The following TF variants were observed in gnomAD, a reference collection of about 807,000 sequenced individuals.
TF encodes the protein serotransferrin.
Under a neutral mutation model 82.4 loss-of-function variants are expected in TF, and 55 were observed. The ratio of observed to expected loss-of-function variants is 0.67; its 90% CI spans 0.54 to 0.84. The LOEUF (loss-of-function observed/expected upper bound fraction) is 0.84. Ranked by LOEUF, TF falls within the 40% of genes least tolerant of loss-of-function variation. The pLI is 0.00. For synonymous variants in TF, 332 were observed against 332.6 expected, an observed-to-expected ratio of 1.00 and a Z score of 0.02; for missense variants, 737 against 868.4, an observed-to-expected ratio of 0.85 and a Z score of 1.90.
the TF span, among the ~76,000 whole-genome samples, chr3:133,689,135 G>C: frequency 2.0e-5 from 3 of 152,038 alleles, no homozygotes; most frequent in Non-Finnish European, 2.9e-5. Flanking sequence ...AGACCAGCCT[G>C]TCCAACATGG....
At chr3:133,673,829 T>G in the TF span, among the ~76,000 whole-genome samples, 1 of 152,244 alleles carries the variant, frequency 6.6e-6, no homozygotes, top group African/African-American at 2.4e-5. Context: ...GCATATTTAT[T>G]ATACTTTAAT....
At chr3:133,733,728 G>A in the TF span, among the ~76,000 whole-genome samples, 261 of 152,248 alleles carry the variant, frequency 1.7e-3, 1 homozygote, top group African/African-American at 5.9e-3. Context: ...TCTCTGCTCC[G>A]TTATTCCTCC....
intron 2 of TF, among the ~76,000 whole-genome samples, chr3:133,751,162 T>C (rs1276068040): frequency 2.0e-5 from 3 of 151,784 alleles, no homozygotes; most frequent in African/African-American, 7.3e-5. Flanking sequence ...TATGCTACAC[T>C]GAGATGAACC....
chr3:133,734,044 T>C, the TF span, among the ~76,000 whole-genome samples: 2 of 152,132 alleles, frequency 1.3e-5, no homozygotes, highest in East Asian at 3.9e-4. Flanking sequence ...CTGCGGTTTC[T>C]CATGGCCAGA....
the TF span, among the ~76,000 whole-genome samples, chr3:133,684,077 C>T: frequency 1.3e-5 from 2 of 152,194 alleles, no homozygotes; most frequent in Admixed American, 1.3e-4. Context: ...TACATGGAAA[C>T]AGAACAACCT....
the TF span, among the ~76,000 whole-genome samples, chr3:133,718,723 A>T: frequency 0.59 from 89,512 of 151,382 alleles, 26,930 homozygotes; most frequent in East Asian, 0.76. Flanking sequence ...CTGATGTTGG[A>T]GGTTCCTCAC....
the TF span, among the ~76,000 whole-genome samples, chr3:133,723,539 C>A: frequency 1.4e-5 from 2 of 145,984 alleles, no homozygotes; most frequent in Middle Eastern, 3.3e-3. Flanking sequence ...TTCAGAACTT[C>A]TTTCTTTTGC....
At chr3:133,691,339 A>G in the TF span, among the ~76,000 whole-genome samples, 1 of 152,198 alleles carries the variant, frequency 6.6e-6, no homozygotes, top group Non-Finnish European at 1.5e-5. Context: ...TACGTACCCA[A>G]GAAATGTTTA....
At chr3:133,670,060 G>A in the TF span, among the ~76,000 whole-genome samples, 1 of 152,328 alleles carries the variant, frequency 6.6e-6, no homozygotes, top group Non-Finnish European at 1.5e-5. Context: ...TTGGAAAGGG[G>A]AAAGTGTGAA....
At chr3:133,730,689 G>A in the TF span, among the ~76,000 whole-genome samples, 23 of 152,320 alleles carry the variant, frequency 1.5e-4, no homozygotes, top group Admixed American at 1.0e-3. Flanking sequence ...GGATACTAAT[G>A]GATCCCTTTG....
At chr3:133,760,782 C>T (rs8177248) in intron 9 of TF, 44,668 of 162,034 alleles carry the variant, frequency 0.28, 7,160 homozygotes, top group East Asian at 0.42. Context: ...CCAACATTGC[C>T]ATGTTCTGTG....
At position 133,748,533 on chromosome 3, in the gene TF, T is replaced by C. The variant is rs8177318; in HGVS notation, c.165T>C (p.Ser55=). ...MKSVIPSDGP[S]VACVKKASYL... is the part of the protein sequence containing the mutation. ...GCGTCATTCCATCCGATGGTCCCAG[T>C]GTTGCTTGTGTGAAGAAAGCCTCCT... is the stretch of plus-strand genomic sequence containing the variant. Residue 55 remains serine, a synonymous_variant, in exon 2 of 17, where the codon AGT becomes AGC. Transcript: ENST00000402696. 1 of 1,613,896 alleles carries C rather than the reference T, an allele frequency of 6.2e-7. No homozygotes were observed. The highest frequency in any genetic ancestry group is 1.7e-5 in the Admixed American group (1 of 59,980).
the TF span, among the ~76,000 whole-genome samples, chr3:133,705,573 C>T: frequency 6.6e-6 from 1 of 152,174 alleles, no homozygotes; most frequent in African/African-American, 2.4e-5. Context: ...TAGGAAAGAG[C>T]AGAAGAGGGT....
intron 4 of TF, among the ~76,000 whole-genome samples, chr3:133,755,090 C>G (rs1933787405): frequency 6.6e-6 from 1 of 152,206 alleles, no homozygotes; most frequent in Non-Finnish European, 1.5e-5. Flanking sequence ...TCTGACAAAG[C>G]AGGGAGAAGG....
At chr3:133,716,948 C>T in the TF span, among the ~76,000 whole-genome samples, 11 of 152,296 alleles carry the variant, frequency 7.2e-5, no homozygotes, top group South Asian at 4.1e-4. Context: ...GCTTGTCTTC[C>T]TCAGATCATC....
chr3:133,683,384 C>T, the TF span, among the ~76,000 whole-genome samples: 2 of 152,136 alleles, frequency 1.3e-5, no homozygotes, highest in Non-Finnish European at 2.9e-5. Flanking sequence ...GGGCTAAATG[C>T]TCCAATTAAA....
chr3:133,761,664 T>C (rs1280470440), intron 9 of TF: 1 of 152,272 alleles, frequency 6.6e-6, no homozygotes, highest in African/African-American at 2.4e-5. Flanking sequence ...TTCTGGCTTA[T>C]AATTATAAAA....
the TF span, among the ~76,000 whole-genome samples, chr3:133,718,346 T>C: frequency 6.6e-6 from 1 of 151,900 alleles, no homozygotes; most frequent in Non-Finnish European, 1.5e-5. Flanking sequence ...TGAGGACATG[T>C]TTGCTGGGAG....
In TF at chr3:133,786,230, A is replaced by AAAC. The variant is rs1559883674; in HGVS notation, c.*7612_*7613insCAA. 1.3e-5 allele frequency: 1 copy of AAAC among 77,142 alleles called. No individual in the cohort carries two copies. Among genetic ancestry groups the AAAC allele is most frequent in the African/African-American group, 3.5e-5 (1 of 28,720 alleles). The allele number at this position is 77,142 out of a possible 1,614,324, so 4.8% of individuals were successfully genotyped here. Reference sequence around the variant, plus strand: ...TCAATAAAAAAATAAATTAAAAAAAAAAAAAAAAAACAATACTATTTTTTG... The same window carrying AAAC: ...TCAATAAAAAAATAAATTAAAAAAAAAACAAAAAAAAAACAATACTATTTTTTG... On this transcript the variant is annotated 3_prime_UTR_variant, in exon 17 of 17. Transcript: ENST00000402696.
Sources: allele counts gnomAD v4.1 joint callset (sites outside exome capture counted in the v4.1 genomes callset), GRCh38; gene constraint gnomAD v4.1.1; transcripts MANE v1.5; gene names NCBI Gene and HGNC (gene_info 2026-07-23, HGNC 2026-07-21).